Variants in MAP9 observed in about 807,000 individuals in gnomAD.
The protein encoded by MAP9 is microtubule associated protein 9.
MAP9 carries 80 observed loss-of-function variants against 75.2 expected under a neutral mutation model. That is an observed-to-expected ratio of 1.06 (90% confidence interval 0.89 to 1.28). The LOEUF (loss-of-function observed/expected upper bound fraction) is 1.28. Ranked by LOEUF, MAP9 falls within the 50% of genes most tolerant of loss-of-function variation. The pLI is 0.00. For synonymous variants in MAP9, 235 were observed against 237.3 expected (o/e 0.99, Z 0.09); for missense variants, 753 against 719.9 (o/e 1.05, Z -0.53).
intron 5 of MAP9, chr4:155,362,892 G>A (rs565604671): frequency 6.6e-6 from 1 of 152,318 alleles, no homozygotes; most frequent in African/African-American, 2.4e-5. Flanking sequence ...AAGAAGTGCT[G>A]AGACACTGGA....
At chr4:155,351,868 G>A (rs974563875) in intron 13 of MAP9, among the ~76,000 whole-genome samples, 44 of 151,798 alleles carry the variant, frequency 2.9e-4, no homozygotes, top group African/African-American at 1.0e-3. Context: ...TTTGGTTGCT[G>A]AATCATATGA....
chr4:155,368,329 T>C, intron 5 of MAP9: 1 of 578,110 alleles, frequency 1.7e-6, no homozygotes, highest in African/African-American at 1.9e-5. Flanking sequence ...CAATCACTGG[T>C]GTGTTATAGT....
intron 4 of MAP9, among the ~76,000 whole-genome samples, chr4:155,372,061 G>A (rs1222995513): frequency 3.3e-5 from 5 of 152,152 alleles, no homozygotes; most frequent in Non-Finnish European, 5.9e-5. Flanking sequence ...GGATACTGAA[G>A]CTTAACTTAT....
rs1731299504 is a variant in MAP9 at position 155,346,704 on chromosome 4, G to C, written c.*1079C>G. 6.6e-6 allele frequency: 1 copy of C among 152,494 alleles called. No individual in the cohort carries two copies. The highest frequency in any genetic ancestry group is 2.1e-4 in the South Asian group (1 of 4,808). 9.4% of individuals were successfully genotyped at this position (152,494 alleles called of 1,614,324 possible). A position where few individuals can be genotyped will look rare whatever the true frequency, so the allele number is the denominator to read the frequency against. ...TTATATATTAGATGCTCAATAAATA[G>C]GAACTATATATTCTCATCCATCATC... On this transcript the variant is annotated 3_prime_UTR_variant, in exon 14 of 14. Coordinates refer to ENST00000311277, the MANE Select transcript of MAP9 (RefSeq NM_001039580.2).
intron 2 of MAP9, among the ~76,000 whole-genome samples, chr4:155,375,460 A>G (rs1013592402): frequency 5.9e-5 from 9 of 152,316 alleles, no homozygotes; most frequent in Non-Finnish European, 1.0e-4. Flanking sequence ...TCAAAATTGC[A>G]GTGACTCAAC....
chr4:155,352,985 T>A lies in MAP9; in HGVS notation c.1615A>T (p.Arg539Ter). The A allele has an allele frequency of 6.5e-7, 1 of 1,542,316 alleles. No homozygotes were observed. Among genetic ancestry groups the A allele is most frequent in the Non-Finnish European group, 8.8e-7 (1 of 1,137,780 alleles). The change falls in exon 12 of 14, where the codon AGA becomes TGA. Residue 539 changes from arginine (R) to a stop codon, truncating the protein, a stop_gained. Transcript: ENST00000311277. LOFTEE classifies it high-confidence loss of function. ...TCCTCCTCTTTCTGTTTCTTTGCTC[T>A]TTCATATTCTCTCTCCTTTCTATTT... The part of the protein sequence containing the change: ...EKNRKEREYE[R>*]AKKQKEEETV...
chr4:155,345,914 G>C lies in MAP9; in HGVS notation c.*1869C>G, dbSNP rs913920197. On this transcript the variant is annotated 3_prime_UTR_variant, in exon 14 of 14. Transcript: ENST00000311277. ...CAATAAACACTTTTAATCTATTTTG[G>C]CAGGCACTGTTTTTGGTACTATGGG... 1.3e-5 allele frequency: 2 copies of C among 151,942 alleles called. No individual in the cohort carries two copies. Among genetic ancestry groups the C allele is most frequent in the Non-Finnish European group, 2.9e-5 (2 of 67,970 alleles). 9.4% of individuals were successfully genotyped at this position (151,942 alleles called of 1,614,324 possible). A position where few individuals can be genotyped will look rare whatever the true frequency, so the allele number is the denominator to read the frequency against.
At chr4:155,351,463 A>C (rs554226936) in intron 13 of MAP9, among the ~76,000 whole-genome samples, 11 of 151,830 alleles carry the variant, frequency 7.2e-5, no homozygotes, top group African/African-American at 2.7e-4. Flanking sequence ...AAAAAAAAAA[A>C]ACAGAAATCT....
chr4:155,357,751 T>G (rs1457507978), intron 7 of MAP9, among the ~76,000 whole-genome samples: 1 of 151,962 alleles, frequency 6.6e-6, no homozygotes, highest in Non-Finnish European at 1.5e-5. Context: ...CATAAAATAG[T>G]GTGCAGTGAC....
intron 10 of MAP9, among the ~76,000 whole-genome samples, chr4:155,354,807 T>A (rs1731691349): frequency 6.6e-6 from 1 of 152,170 alleles, no homozygotes; most frequent in African/African-American, 2.4e-5. Flanking sequence ...TAAAAGTGAA[T>A]TAGGTGCTCA....
intron 13 of MAP9, chr4:155,350,302 A>C (rs1376974446): frequency 4.5e-6 from 2 of 444,252 alleles, no homozygotes; most frequent in Non-Finnish European, 8.9e-6. Context: ...ATGTATGTTT[A>C]TGTGTTTATA....
Position 155,374,971 on chromosome 4 carries a change from A to T in MAP9, c.126T>A (p.Ser42=), listed in dbSNP as rs779402306. The T allele has an allele frequency of 1.3e-6, 2 of 1,593,798 alleles. No homozygotes were observed. Among genetic ancestry groups the T allele is most frequent in the Non-Finnish European group, 1.7e-6 (2 of 1,164,518 alleles). The change falls in exon 3 of 14, where the codon TCT becomes TCA. Residue 42 remains serine, a synonymous_variant. Transcript: ENST00000311277. ...ITARSARQRS[S]EYSDDFDSDE... is the part of the protein sequence containing the mutation. Reference sequence around the variant, plus strand: ...CACTGTCAAAGTCATCTGAGTATTCAGAACTCCTTTGTCTGGCTGAGCGAG... The same window carrying T: ...CACTGTCAAAGTCATCTGAGTATTCTGAACTCCTTTGTCTGGCTGAGCGAG...
intron 3 of MAP9, among the ~76,000 whole-genome samples, chr4:155,374,147 T>C (rs1189888041): frequency 6.6e-6 from 1 of 152,084 alleles, no homozygotes; most frequent in African/African-American, 2.4e-5. Context: ...GAGACCAGCC[T>C]GGCCGATGTG....
At position 155,368,664 on chromosome 4, in the gene MAP9, T is replaced by G; in HGVS notation, c.630A>C (p.Ala210=). ...ALSEELELHS[A]PSSLPTPNGI... is the part of the protein sequence containing the mutation. ...CATTCGGCGTTGGAAGGGAAGAAGG[T>G]GCAGAATGTAACTCCAATTCTTCAC... Residue 210 remains alanine, a synonymous_variant, in exon 5 of 14, where the codon GCA becomes GCC. Coordinates refer to ENST00000311277, the MANE Select transcript of MAP9 (RefSeq NM_001039580.2). 1 of 1,614,206 alleles carries G rather than the reference T, an allele frequency of 6.2e-7. No homozygotes were observed. Among genetic ancestry groups the G allele is most frequent in the Non-Finnish European group, 8.5e-7 (1 of 1,180,022 alleles).
rs149700830 is a variant in MAP9 at position 155,373,234 on chromosome 4, G to C, written c.383C>G (p.Ser128Cys). ...PDGCEDIVVKSFSESQNKDEE... is the reference protein window; with the variant it reads ...PDGCEDIVVKCFSESQNKDEE... The stretch of plus-strand genomic sequence containing the variant: ...ATCCTTATTTTGAGATTCAGAGAAA[G>C]ATTTTACAACAATGTCTTCACACCC... The change falls in exon 4 of 14, where the codon TCT becomes TGT. Residue 128 changes from serine to cysteine, a missense_variant. Transcript: ENST00000311277. 6.8e-6 allele frequency: 11 copies of C among 1,610,590 alleles called. No individual in the cohort carries two copies. In the Admixed American group the frequency reaches 1.5e-4, roughly 22 times the overall value.
intron 13 of MAP9, among the ~76,000 whole-genome samples, chr4:155,348,134 G>A (rs778611417): frequency 9.2e-5 from 14 of 152,016 alleles, no homozygotes; most frequent in African/African-American, 1.4e-4. Flanking sequence ...CTGGGAGTTC[G>A]AGACCAGCCT....
At position 155,376,817 on chromosome 4, in the gene MAP9, C is replaced by A. The variant is rs1203325192; in HGVS notation, c.-111G>T. The A allele has an allele frequency of 6.5e-6, 1 of 152,802 alleles. No individual in the cohort carries two copies. Among genetic ancestry groups the A allele is most frequent in the Non-Finnish European group, 1.5e-5 (1 of 68,182 alleles). The allele number at this position is 152,802 out of a possible 1,614,324, so 9.5% of individuals were successfully genotyped here. On this transcript the variant is annotated 5_prime_UTR_variant, in exon 1 of 14. Transcript: ENST00000311277. ...CCCGCAGAGCCGGTCCTGGACCGAG[C>A]GAGGAGGAGGGGCTAATAACAGAGG...
chr4:155,364,805 C>G (rs566203816), intron 5 of MAP9, among the ~76,000 whole-genome samples: 7 of 151,278 alleles, frequency 4.6e-5, no homozygotes, highest in Admixed American at 4.6e-4. Context: ...AATATCAATT[C>G]TAAATAGATT....
At chr4:155,348,114 T>C (rs1040373126) in intron 13 of MAP9, among the ~76,000 whole-genome samples, 1 of 152,116 alleles carries the variant, frequency 6.6e-6, no homozygotes, top group African/African-American at 2.4e-5. Flanking sequence ...GGTGGGTGGA[T>C]TGTTTGAGCC....
Sources: allele counts gnomAD v4.1 joint callset (sites outside exome capture counted in the v4.1 genomes callset), GRCh38; gene constraint gnomAD v4.1.1; transcripts MANE v1.5; gene names NCBI Gene and HGNC (gene_info 2026-07-23, HGNC 2026-07-21).